Variants in CDH13 observed in about 807,000 individuals in gnomAD.
CDH13 encodes cadherin-13.
CDH13 carries 24 observed loss-of-function variants against 63.8 expected under a neutral mutation model. That is an observed-to-expected ratio of 0.38 (90% CI 0.27 to 0.53). The LOEUF (loss-of-function observed/expected upper bound fraction) is 0.53, where lower values mean the gene tolerates loss of function less well. Among genes scored for constraint, CDH13 ranks in the 20% least tolerant of loss-of-function variants. CDH13 has a pLI of 0.85. For synonymous variants in CDH13, 503 were observed against 355.3 expected (o/e 1.42, Z -4.67); for missense variants, 1,049 against 903.1 (o/e 1.16, Z -2.07).
At chr16:83,702,498 T>G (rs1453459046) in intron 10 of CDH13, among the ~76,000 whole-genome samples, 1 of 151,908 alleles carries the variant, frequency 6.6e-6, no homozygotes, top group Non-Finnish European at 1.5e-5. Flanking sequence ...TTGCAGGGGG[T>G]TTGCAGCCAG....
intron 3 of CDH13, among the ~76,000 whole-genome samples, chr16:83,105,612 C>T (rs1177330262): frequency 6.6e-6 from 1 of 151,920 alleles, no homozygotes; most frequent in Admixed American, 6.6e-5. Context: ...AAGAGGTTGC[C>T]ATGTGATATT....
intron 4 of CDH13, among the ~76,000 whole-genome samples, chr16:83,156,753 A>C (rs143362902): frequency 6.6e-6 from 1 of 152,188 alleles, no homozygotes; most frequent in South Asian, 2.1e-4. Context: ...GCCTCCTTCC[A>C]TAAATCCTAT....
intron 8 of CDH13, among the ~76,000 whole-genome samples, chr16:83,650,798 T>A (rs1385077208): frequency 1.3e-5 from 2 of 152,136 alleles, no homozygotes. Flanking sequence ...GCAGGGTGGA[T>A]TCGGTGGCTA....
chr16:82,892,135 C>G (rs1424762944), intron 2 of CDH13, among the ~76,000 whole-genome samples: 1 of 152,104 alleles, frequency 6.6e-6, no homozygotes, highest in African/African-American at 2.4e-5. Context: ...AATTACTTAA[C>G]CTGTTGGTGT....
intron 10 of CDH13, among the ~76,000 whole-genome samples, chr16:83,725,082 A>T (rs997333170): frequency 6.6e-6 from 1 of 152,206 alleles, no homozygotes; most frequent in Admixed American, 6.5e-5. Flanking sequence ...TTTAGTATAA[A>T]AGCTATGATG....
At chr16:82,934,835 C>T (rs2042615493) in intron 2 of CDH13, among the ~76,000 whole-genome samples, 1 of 152,198 alleles carries the variant, frequency 6.6e-6, no homozygotes, top group African/African-American at 2.4e-5. Flanking sequence ...ATCACCTCAG[C>T]CTGGACTTCA....
intron 1 of CDH13, among the ~76,000 whole-genome samples, chr16:82,728,088 C>T (rs2033198035): frequency 1.3e-5 from 2 of 152,054 alleles, no homozygotes; most frequent in Non-Finnish European, 2.9e-5. Flanking sequence ...ATATGAATAC[C>T]TTATTTATAG....
At chr16:83,682,403 A>T (rs570835847) in intron 10 of CDH13, among the ~76,000 whole-genome samples, 1 of 152,136 alleles carries the variant, frequency 6.6e-6, no homozygotes, top group South Asian at 2.1e-4. Context: ...ATGTCTCTTT[A>T]GCATCTAAAA....
chr16:83,194,511 AC>A (rs2038816621), intron 4 of CDH13, among the ~76,000 whole-genome samples: 1 of 152,212 alleles, frequency 6.6e-6, no homozygotes, highest in Admixed American at 6.5e-5. Context: ...TGATTATTCT[AC>A]CAGGCAGATA....
chr16:83,043,023 C>A (rs951190405), intron 3 of CDH13, among the ~76,000 whole-genome samples: 6 of 152,126 alleles, frequency 3.9e-5, no homozygotes, highest in African/African-American at 1.4e-4. Flanking sequence ...TTAACTGTCA[C>A]CTAAAGTGGA....
intron 7 of CDH13, among the ~76,000 whole-genome samples, chr16:83,523,708 C>A (rs1025895600): frequency 6.6e-6 from 1 of 152,204 alleles, no homozygotes; most frequent in Non-Finnish European, 1.5e-5. Context: ...CCTCAGTGGG[C>A]ATGTCCGGTT....
At chr16:83,699,013 G>A (rs562514167) in intron 10 of CDH13, among the ~76,000 whole-genome samples, 1 of 152,256 alleles carries the variant, frequency 6.6e-6, no homozygotes, top group African/African-American at 2.4e-5. Context: ...ATTTGTGTGT[G>A]TTCTACTCTG....
intron 6 of CDH13, among the ~76,000 whole-genome samples, chr16:83,439,994 C>T (rs4782793): frequency 0.21 from 31,372 of 152,038 alleles, 3,653 homozygotes; most frequent in Admixed American, 0.34. Flanking sequence ...GAGAGTAGGG[C>T]TGATGTGGTA....
intron 3 of CDH13, among the ~76,000 whole-genome samples, chr16:83,051,866 C>G (rs1193152610): frequency 6.6e-6 from 1 of 152,198 alleles, no homozygotes; most frequent in Non-Finnish European, 1.5e-5. Context: ...AGAGACACAG[C>G]CCTCTTTTCT....
intron 8 of CDH13, among the ~76,000 whole-genome samples, chr16:83,612,882 C>T (rs765129318): frequency 1.3e-5 from 2 of 152,014 alleles, no homozygotes; most frequent in African/African-American, 4.8e-5. Flanking sequence ...TACTTATTTA[C>T]CCTTTGTATT....
At chr16:83,755,327 G>T (rs911843225) in intron 11 of CDH13, among the ~76,000 whole-genome samples, 2 of 152,186 alleles carry the variant, frequency 1.3e-5, no homozygotes, top group Non-Finnish European at 2.9e-5. Context: ...CAAAAGACTA[G>T]TGTGTGGAAT....
intron 1 of CDH13, among the ~76,000 whole-genome samples, chr16:82,810,177 A>C (rs776042890): frequency 6.6e-6 from 1 of 152,234 alleles, no homozygotes; most frequent in African/African-American, 2.4e-5. Flanking sequence ...TGTTATCCAG[A>C]GACAACATTT....
intron 10 of CDH13, among the ~76,000 whole-genome samples, chr16:83,697,559 A>G (rs1905567782): frequency 1.3e-5 from 2 of 152,242 alleles, no homozygotes; most frequent in Admixed American, 6.5e-5. Flanking sequence ...GTGTTTAAGC[A>G]GAAGTGCACA....
intron 2 of CDH13, among the ~76,000 whole-genome samples, chr16:83,001,716 G>T (rs1344070856): frequency 6.6e-6 from 1 of 152,184 alleles, no homozygotes; most frequent in Non-Finnish European, 1.5e-5. Flanking sequence ...ACGGATGATT[G>T]GCTGTGACCC....
Sources: gnomAD v4.1 joint callset for allele counts (sites outside exome capture counted in the v4.1 genomes callset) on GRCh38, gnomAD v4.1.1 for gene constraint, MANE v1.5 for transcripts, NCBI Gene and HGNC (gene_info 2026-07-23, HGNC 2026-07-21) for gene names.